Variants in PHF19 observed in about 807,000 individuals in gnomAD.
The protein encoded by PHF19 is polycomb like 3.
In PHF19, 21 loss-of-function variants were observed where a neutral mutation model predicts 79.8. The ratio of observed to expected loss-of-function variants is 0.26; its 90% CI spans 0.19 to 0.38. The LOEUF is 0.38. Among genes scored for constraint, PHF19 ranks in the 10% least tolerant of loss-of-function variants. The pLI, the probability that PHF19 is intolerant of heterozygous loss-of-function variation, is 1.00. For missense variants in PHF19, 445 were observed against 744.2 expected (o/e 0.60, Z 4.68); for synonymous variants, 273 against 296.3 (o/e 0.92, Z 0.81).
Position 120,866,651 on chromosome 9 carries a change from C to T in PHF19, c.710+219G>A, listed in dbSNP as rs1274719464. ...TCTAAGGTACTCCAGAAATCAATGG[C>T]AACTAGGGATGTGGCCCAGCATACT... On this transcript the variant is annotated intron_variant, in intron 7 of 14. Transcript: ENST00000373896. The surrounding 1 kb of genome is among the most constrained non-coding windows in gnomAD (Gnocchi z 5.2). Among the ~76,000 whole-genome samples the T allele has an allele frequency of 6.6e-6, 1 of 152,188 alleles. No individual in the cohort carries two copies. The highest frequency in any genetic ancestry group is 1.5e-5 in the Non-Finnish European group (1 of 68,036).
intron 1 of PHF19, among the ~76,000 whole-genome samples, chr9:120,887,463 A>T (rs1588136842): frequency 6.6e-6 from 1 of 152,062 alleles, no homozygotes; most frequent in South Asian, 2.1e-4. Flanking sequence ...CAAAAACAAA[A>T]ACAAAAACTG....
rs372133369 is a variant in PHF19 at position 120,874,528 on chromosome 9, G to A, written c.186+28C>T. The A allele has an allele frequency of 1.7e-5, 24 of 1,453,108 alleles. No individual in the cohort carries two copies. In the African/African-American group the frequency reaches 2.5e-4, roughly 15 times the overall value. The allele number at this position is 1,453,108 out of a possible 1,614,324, so 90.0% of individuals were successfully genotyped here. ...ATGAGCAGAGAGATTCTGAGTCTGA[G>A]AACAGGGGCCAGAGAGGATGGGTTT... On this transcript the variant is annotated intron_variant, in intron 2 of 14. Transcript: ENST00000373896. This position sits in a 1 kb window ranked among gnomAD's most constrained non-coding sequence, Gnocchi z 4.5.
In PHF19 at chr9:120,860,148, A is replaced by G. The variant is rs1448553044; in HGVS notation, c.1342T>C (p.Ser448Pro). 6.3e-7 allele frequency: 1 copy of G among 1,599,460 alleles called. No individual in the cohort carries two copies. The highest frequency in any genetic ancestry group is 8.5e-7 in the Non-Finnish European group (1 of 1,172,838). ...SGQTFFSDVD[S>P]TDAASTSGSA... The stretch of plus-strand genomic sequence containing the variant: ...CCAGAGGTGCTGGCAGCGTCGGTGG[A>G]GTCGACATCTGAGAAGAAGGTCTGG... The change falls in exon 14 of 15, where the codon TCC becomes CCC. Residue 448 changes from serine to proline, a missense_variant. Ser to Pro is a moderately conservative substitution (Grantham distance 74). Transcript: ENST00000373896. This position sits in a 1 kb window ranked among gnomAD's most constrained non-coding sequence, Gnocchi z 4.1.
chr9:120,882,827 A>C (rs2046206091), intron 1 of PHF19, among the ~76,000 whole-genome samples: 1 of 142,656 alleles, frequency 7.0e-6, no homozygotes, highest in African/African-American at 2.6e-5. Flanking sequence ...GGGTGACAAG[A>C]GCAAAACTCC....
chr9:120,890,596 C>T (rs1013898176), intron 1 of PHF19, among the ~76,000 whole-genome samples: 1 of 152,148 alleles, frequency 6.6e-6, no homozygotes, highest in Admixed American at 6.5e-5. Flanking sequence ...AGAGAAACCA[C>T]AGCTTTCAGA....
upstream of PHF19, chr9:120,877,393 A>C: frequency 4.1e-6 from 4 of 975,392 alleles, no homozygotes; most frequent in Non-Finnish European, 4.9e-6. Context: ...CGGCCTCGCC[A>C]TTGGAGCCCG....
chr9:120,866,883 TC>T lies in PHF19; in HGVS notation c.696del (p.Met232IlefsTer75). On this transcript the variant is annotated frameshift_variant, in exon 7 of 15. Transcript: ENST00000373896. LOFTEE classifies it high-confidence loss of function. This position sits in a 1 kb window ranked among gnomAD's most constrained non-coding sequence, Gnocchi z 5.2. ...EACTQCLNEPMMFGDRFYLFF... is the reference protein window; with the variant it reads ...EACTQCLNEPXMFGDRFYLFF... ...ATTAGCACCTACCGGTCTCCAAACATCATGGGCTCATTGAGGCACTGGGTGC... is the reference window on the plus strand; with the variant it reads ...ATTAGCACCTACCGGTCTCCAAACATATGGGCTCATTGAGGCACTGGGTGC... The T allele has an allele frequency of 6.2e-7, 1 of 1,605,142 alleles. No homozygotes were observed. The highest frequency in any genetic ancestry group is 8.5e-7 in the Non-Finnish European group (1 of 1,171,878).
chr9:120,869,405 G>C lies in PHF19; in HGVS notation c.466-75C>G. ...GCGAGTCAGCACGCGGCTGTCTATT[G>C]AGGGAAGTGCTGCCAGGGCTTGGGG... is the stretch of plus-strand genomic sequence containing the variant. On this transcript the variant is annotated intron_variant, in intron 5 of 14. Coordinates refer to ENST00000373896, the MANE Select transcript of PHF19 (RefSeq NM_015651.3). The surrounding 1 kb of genome is among the most constrained non-coding windows in gnomAD (Gnocchi z 5.8). 1.3e-6 allele frequency: 2 copies of C among 1,512,724 alleles called. No homozygotes were observed. Among genetic ancestry groups the C allele is most frequent in the Non-Finnish European group, 1.8e-6 (2 of 1,116,268 alleles). 93.7% of individuals were successfully genotyped at this position (1,512,724 alleles called of 1,614,324 possible). A position where few individuals can be genotyped will look rare whatever the true frequency, so the allele number is the denominator to read the frequency against.
At position 120,874,166 on chromosome 9, in the gene PHF19, G is replaced by T. The variant is rs1564509063; in HGVS notation, c.187-106C>A. The T allele has an allele frequency of 1.5e-6, 1 of 679,276 alleles. No individual in the cohort carries two copies. The highest frequency in any genetic ancestry group is 2.7e-6 in the Non-Finnish European group (1 of 374,302). The allele number at this position is 679,276 out of a possible 1,614,324, so 42.1% of individuals were successfully genotyped here. Reference sequence around the variant, plus strand: ...TGTCTCCGTATGTTCCAGAAAGCAGGGCTAGAAGGGGAAGAAGGATGGCAG... The same window carrying T: ...TGTCTCCGTATGTTCCAGAAAGCAGTGCTAGAAGGGGAAGAAGGATGGCAG... On this transcript the variant is annotated intron_variant, in intron 2 of 14. Coordinates refer to ENST00000373896, the MANE Select transcript of PHF19 (RefSeq NM_015651.3). This position sits in a 1 kb window ranked among gnomAD's most constrained non-coding sequence, Gnocchi z 4.5.
upstream of PHF19, among the ~76,000 whole-genome samples, chr9:120,897,097 C>T (rs1390166393): frequency 1.3e-5 from 2 of 152,228 alleles, no homozygotes; most frequent in African/African-American, 2.4e-5. Context: ...TGCAAATATG[C>T]GGATTACGAT....
chr9:120,878,554 T>C (rs961055863), upstream of PHF19, among the ~76,000 whole-genome samples: 1 of 152,190 alleles, frequency 6.6e-6, no homozygotes, highest in African/African-American at 2.4e-5. Flanking sequence ...TGTCAGTTGC[T>C]CACTCTGGGC....
upstream of PHF19, among the ~76,000 whole-genome samples, chr9:120,896,514 C>G (rs1202696376): frequency 2.8e-5 from 4 of 142,902 alleles, no homozygotes. Flanking sequence ...TGCAGTGGCG[C>G]GATCTCGACT....
chr9:120,862,486 C>A lies in PHF19; in HGVS notation c.1130+102G>T. On this transcript the variant is annotated intron_variant, in intron 11 of 14. Coordinates refer to ENST00000373896, the MANE Select transcript of PHF19 (RefSeq NM_015651.3). This position sits in a 1 kb window ranked among gnomAD's most constrained non-coding sequence, Gnocchi z 4.6. ...AGCCACTATCTAGCCCTCTCAGGGTCCTACAGCTGGGACTGGCTGGGTGCA... is the reference window on the plus strand; with the variant it reads ...AGCCACTATCTAGCCCTCTCAGGGTACTACAGCTGGGACTGGCTGGGTGCA... 1.0e-6 allele frequency: 1 copy of A among 997,382 alleles called. No homozygotes were observed. The allele number at this position is 997,382 out of a possible 1,614,324, so 61.8% of individuals were successfully genotyped here. A position where few individuals can be genotyped will look rare whatever the true frequency, so the allele number is the denominator to read the frequency against.
chr9:120,901,384 A>G, the PHF19 span, among the ~76,000 whole-genome samples: 1 of 152,050 alleles, frequency 6.6e-6, no homozygotes, highest in African/African-American at 2.4e-5. Flanking sequence ...TAGTAGAAAC[A>G]GGGTTTCACT....
chr9:120,894,939 A>G, upstream of PHF19: 1 of 477,358 alleles, frequency 2.1e-6, no homozygotes, highest in Non-Finnish European at 3.3e-6. Flanking sequence ...CCCAGCACAC[A>G]GTCCGCCAGC....
intron 14 of PHF19, among the ~76,000 whole-genome samples, chr9:120,859,587 C>T (rs2045458021): frequency 6.6e-6 from 1 of 152,134 alleles, no homozygotes; most frequent in South Asian, 2.1e-4. Flanking sequence ...ATTTCTGTCC[C>T]CACTCCTAAA....
At chr9:120,886,195 C>G (rs1182696263) in intron 1 of PHF19, among the ~76,000 whole-genome samples, 1 of 152,214 alleles carries the variant, frequency 6.6e-6, no homozygotes, top group Admixed American at 6.5e-5. Context: ...TGGGACATCC[C>G]TCAGGGTAGG....
At chr9:120,901,530 GCCTCCTTGGGCCAA>G in the PHF19 span, among the ~76,000 whole-genome samples, 2 of 152,108 alleles carry the variant, frequency 1.3e-5, no homozygotes, top group Non-Finnish European at 2.9e-5. Context: ...TCCCATCCCT[GCCTCCTTGGGCCAA>G]GCACTTGGCT....
chr9:120,862,491 A>G lies in PHF19; in HGVS notation c.1130+97T>C. 1 of 1,064,524 alleles carries G rather than the reference A, an allele frequency of 9.4e-7. No individual in the cohort carries two copies. Among genetic ancestry groups the G allele is most frequent in the Non-Finnish European group, 1.4e-6 (1 of 704,910 alleles). The allele number at this position is 1,064,524 out of a possible 1,614,324, so 65.9% of individuals were successfully genotyped here. ...CTATCTAGCCCTCTCAGGGTCCTACAGCTGGGACTGGCTGGGTGCAGGTCC... is the reference window on the plus strand; with the variant it reads ...CTATCTAGCCCTCTCAGGGTCCTACGGCTGGGACTGGCTGGGTGCAGGTCC... On this transcript the variant is annotated intron_variant, in intron 11 of 14. Transcript: ENST00000373896. This position sits in a 1 kb window ranked among gnomAD's most constrained non-coding sequence, Gnocchi z 4.6.
Sources: allele counts gnomAD v4.1 joint callset (sites outside exome capture counted in the v4.1 genomes callset), GRCh38; gene constraint gnomAD v4.1.1; non-coding constraint Gnocchi (gnomAD v3.1); transcripts MANE v1.5; gene names NCBI Gene and HGNC (gene_info 2026-07-23, HGNC 2026-07-21).